MAP7D1: variants seen among roughly 807,000 people sequenced by gnomAD.
The protein encoded by MAP7D1 is MAP7 domain-containing protein 1.
In MAP7D1, 30 loss-of-function variants were observed where a neutral mutation model predicts 97.5. The ratio of observed to expected loss-of-function variants is 0.31; its 90% confidence interval spans 0.23 to 0.42. MAP7D1 has a LOEUF of 0.42. Ranked by LOEUF, MAP7D1 falls within the 10% of genes least tolerant of loss-of-function variation. The pLI, the probability that MAP7D1 is intolerant of heterozygous loss-of-function variation, is 1.00. For synonymous variants in MAP7D1, 536 were observed against 477.1 expected, an observed-to-expected ratio of 1.12 and a Z score of -1.61; for missense variants, 1,184 against 1,179.5, an observed-to-expected ratio of 1.00 and a Z score of -0.06.
chr1:36,178,090 G>A lies in MAP7D1; in HGVS notation c.1597G>A (p.Ala533Thr). The A allele has an allele frequency of 1.9e-6, 3 of 1,605,082 alleles. No individual in the cohort carries two copies. Among genetic ancestry groups the A allele is most frequent in the Non-Finnish European group, 2.6e-6 (3 of 1,176,296 alleles). Residue 533 changes from alanine (A) to threonine (T), a missense_variant, in exon 9 of 17, where the codon GCC becomes ACC. By Grantham distance (58) the Ala-to-Thr change is moderately conservative. Coordinates refer to ENST00000474796, the MANE Select transcript of MAP7D1 (RefSeq NM_001388490.1). ...GGACAAGAGCCAGAGCAAGCGCAGG[G>A]CCAGTAACGAGAAGGAGTCAGCAGC... ...PEDKSQSKRRASNEKESAAPA... is the reference protein window; with the variant it reads ...PEDKSQSKRRTSNEKESAAPA...
chr1:36,160,356 C>T (rs1644390588), intron 1 of MAP7D1, among the ~76,000 whole-genome samples: 1 of 152,206 alleles, frequency 6.6e-6, no homozygotes. Context: ...CCCTTACTAG[C>T]GCTCCTCAGC....
chr1:36,171,028 C>A lies in MAP7D1; in HGVS notation c.104C>A (p.Pro35His). 3 of 1,558,286 alleles carry A rather than the reference C, an allele frequency of 1.9e-6. No homozygotes were observed. The highest frequency in any genetic ancestry group is 2.4e-5 in the East Asian group (1 of 41,952). Residue 35 changes from proline to histidine, a missense_variant, in exon 2 of 17, where the codon CCC (proline) becomes CAC (histidine). Transcript: ENST00000474796. ...CCTTCTCCAGAAGGTGACCCTTCCCCCCCACCACCACCAATGTCAGCCCTG... is the reference window on the plus strand; with the variant it reads ...CCTTCTCCAGAAGGTGACCCTTCCCACCCACCACCACCAATGTCAGCCCTG... ...PRPSPEGDPS[P>H]PPPPMSALVP... is the part of the protein sequence containing the mutation.
Position 36,179,313 on chromosome 1 carries a change from A to G in MAP7D1, c.2182A>G (p.Lys728Glu), listed in dbSNP as rs373798227. ...RTRKSEVSET[K>E]KQDSKEANAN... ...TCGGAAGTCAGAAGTTTCTGAAACCAAGGTCAGAATTCCCCCGAAGGGCAG... is the reference window on the plus strand; with the variant it reads ...TCGGAAGTCAGAAGTTTCTGAAACCGAGGTCAGAATTCCCCCGAAGGGCAG... The change falls in exon 13 of 17, where the codon AAG (lysine) becomes GAG (glutamate). Residue 728 changes from lysine (K) to glutamate (E), a missense_variant and splice_region_variant. By Grantham distance (56) the Lys-to-Glu change is moderately conservative. Transcript: ENST00000474796. 2.2e-5 allele frequency: 36 copies of G among 1,613,880 alleles called. No homozygotes were observed. The African/African-American group carries it at 3.5e-4, about 16-fold the overall frequency.
chr1:36,172,641 C>G lies in MAP7D1; in HGVS notation c.624+14C>G. ...GAGAAAAACAAGGTGCGGGATGGGT[C>G]TCCGTGAATCCATGTACACGTGTGC... is the stretch of plus-strand genomic sequence containing the variant. On this transcript the variant is annotated intron_variant, in intron 4 of 16. Coordinates refer to ENST00000474796, the MANE Select transcript of MAP7D1 (RefSeq NM_001388490.1). 1 of 1,551,366 alleles carries G rather than the reference C, an allele frequency of 6.4e-7. No homozygotes were observed. Among genetic ancestry groups the G allele is most frequent in the Non-Finnish European group, 8.8e-7 (1 of 1,137,654 alleles).
intron 1 of MAP7D1, among the ~76,000 whole-genome samples, chr1:36,169,251 T>TG (rs1285661465): frequency 8.8e-6 from 1 of 113,938 alleles, no homozygotes; most frequent in East Asian, 2.6e-4. Flanking sequence ...GGCTCTGTCT[T>TG]GAAAAAAAAA....
chr1:36,165,489 G>A (rs1170726555), intron 1 of MAP7D1, among the ~76,000 whole-genome samples: 1 of 146,470 alleles, frequency 6.8e-6, no homozygotes, highest in Non-Finnish European at 1.5e-5. Context: ...TAGAGACAGG[G>A]TTTTGCTTTG....
chr1:36,176,542 C>A lies in MAP7D1; in HGVS notation c.1194C>A (p.Gly398=). The change falls in exon 7 of 17, where the codon GGC becomes GGA. Residue 398 remains glycine, a synonymous_variant. Coordinates refer to ENST00000474796, the MANE Select transcript of MAP7D1 (RefSeq NM_001388490.1). The surrounding 1 kb of genome is among the most constrained non-coding windows in gnomAD (Gnocchi z 6.1). The part of the protein sequence containing the change: ...RGERRKPNAG[G]SPAPVRRRPE... ...AGCGCCGCAAGCCCAACGCCGGGGG[C>A]AGCCCCGCTCCGGTGCGCCGCCGGC... 7.0e-7 allele frequency: 1 copy of A among 1,419,872 alleles called. No individual in the cohort carries two copies. The highest frequency in any genetic ancestry group is 1.5e-5 in the South Asian group (1 of 66,374). The allele number at this position is 1,419,872 out of a possible 1,614,324, so 88.0% of individuals were successfully genotyped here.
At chr1:36,177,567 C>T (rs772555917) in intron 8 of MAP7D1, 1 of 656,728 alleles carries the variant, frequency 1.5e-6, no homozygotes, top group Non-Finnish European at 2.9e-6. Context: ...AATGAATGGA[C>T]CTGTCAGGTA....
intron 1 of MAP7D1, among the ~76,000 whole-genome samples, chr1:36,168,466 C>T (rs1644500422): frequency 6.6e-6 from 1 of 152,140 alleles, no homozygotes; most frequent in Admixed American, 6.6e-5. Flanking sequence ...AGTAAGCACT[C>T]ACTAGAGTGA....
At position 36,179,575 on chromosome 1, in the gene MAP7D1, C is replaced by G. The variant is rs527603468; in HGVS notation, c.2227+18C>G. 6.4e-7 allele frequency: 1 copy of G among 1,558,862 alleles called. No homozygotes were observed. Among genetic ancestry groups the G allele is most frequent in the African/African-American group, 1.4e-5 (1 of 73,794 alleles). ...CAGCCCAGGTAAAGCCCCCATTCCTCTCGCCTCCCTTCCCTTTGCCATCCT... is the reference window on the plus strand; with the variant it reads ...CAGCCCAGGTAAAGCCCCCATTCCTGTCGCCTCCCTTCCCTTTGCCATCCT... On this transcript the variant is annotated intron_variant, in intron 14 of 16. Coordinates refer to ENST00000474796, the MANE Select transcript of MAP7D1 (RefSeq NM_001388490.1).
intron 8 of MAP7D1, chr1:36,177,450 G>A (rs576717128): frequency 2.4e-6 from 1 of 421,210 alleles, no homozygotes; most frequent in African/African-American, 2.0e-5. Context: ...AGCCCAGGAG[G>A]TCGAGGCTGT....
Position 36,178,718 on chromosome 1 carries a change from C to A in MAP7D1, c.1920C>A (p.Ala640=). The A allele has an allele frequency of 6.5e-7, 1 of 1,536,658 alleles. No homozygotes were observed. The highest frequency in any genetic ancestry group is 1.2e-5 in the South Asian group (1 of 82,272). The part of the protein sequence containing the change: ...RMREEQLARE[A]EARAEREAEA... Reference sequence around the variant, plus strand: ...GAGAGGAGCAGCTGGCACGGGAGGCCGAGGCCCGGGCGGAGCGGGAGGCGG... The same window carrying A: ...GAGAGGAGCAGCTGGCACGGGAGGCAGAGGCCCGGGCGGAGCGGGAGGCGG... Residue 640 remains alanine (A), a synonymous_variant, in exon 11 of 17, where the codon GCC becomes GCA. Coordinates refer to ENST00000474796, the MANE Select transcript of MAP7D1 (RefSeq NM_001388490.1).
In MAP7D1 at chr1:36,159,171, C is replaced by T. The variant is rs1644376862; in HGVS notation, c.46+2708C>T. Reference sequence around the variant, plus strand: ...CTCCCAGGTTCAAGCGATTCTCTTGCCTCAGCCTCCCGAGTAGCTGGGATT... The same window carrying T: ...CTCCCAGGTTCAAGCGATTCTCTTGTCTCAGCCTCCCGAGTAGCTGGGATT... On this transcript the variant is annotated intron_variant, in intron 1 of 16. Coordinates refer to ENST00000474796, the MANE Select transcript of MAP7D1 (RefSeq NM_001388490.1). The surrounding 1 kb of genome is among the most constrained non-coding windows in gnomAD (Gnocchi z 5.4). Among the ~76,000 whole-genome samples the T allele has an allele frequency of 6.6e-6, 1 of 152,150 alleles. No individual in the cohort carries two copies. The highest frequency in any genetic ancestry group is 2.1e-4 in the South Asian group (1 of 4,830).
intron 1 of MAP7D1, among the ~76,000 whole-genome samples, chr1:36,163,025 G>A (rs903621825): frequency 6.6e-6 from 1 of 152,156 alleles, no homozygotes; most frequent in African/African-American, 2.4e-5. Flanking sequence ...TGTTGTGAGA[G>A]GAATATTTGG....
chr1:36,172,977 T>G (rs1401900577), intron 4 of MAP7D1, among the ~76,000 whole-genome samples: 4 of 152,126 alleles, frequency 2.6e-5, no homozygotes, highest in African/African-American at 7.2e-5. Context: ...GGTGAGGAAA[T>G]GAAGGAAATG....
chr1:36,164,748 A>T (rs754069607), intron 1 of MAP7D1, among the ~76,000 whole-genome samples: 1 of 152,210 alleles, frequency 6.6e-6, no homozygotes, highest in Non-Finnish European at 1.5e-5. Context: ...AGTGGCAAAG[A>T]GCACCGTGAT....
Position 36,178,967 on chromosome 1 carries a change from G to A in MAP7D1, c.2072G>A (p.Arg691His), listed in dbSNP as rs1417200665. 6.4e-7 allele frequency: 1 copy of A among 1,559,148 alleles called. No individual in the cohort carries two copies. The highest frequency in any genetic ancestry group is 1.9e-5 in the Admixed American group (1 of 51,818). Reference protein sequence around the residue: ...ARSREEAERQRLEREKHFQQQ... With the variant: ...ARSREEAERQHLEREKHFQQQ... ...TCGCGGGAAGAGGCGGAGCGGCAGC[G>A]TCTGGAGCGGGAAAAGCACTTCCAG... The change falls in exon 12 of 17, where the codon CGT (arginine) becomes CAT (histidine). Residue 691 changes from arginine (R) to histidine (H), a missense_variant. Coordinates refer to ENST00000474796, the MANE Select transcript of MAP7D1 (RefSeq NM_001388490.1).
intron 8 of MAP7D1, chr1:36,177,513 TTC>T: frequency 1.9e-6 from 1 of 519,344 alleles, no homozygotes; most frequent in African/African-American, 1.9e-5. Flanking sequence ...GTCAGCCAGA[TTC>T]TGTCTTAAAA....
intron 1 of MAP7D1, 122 bp from the exon 2 acceptor site, chr1:36,170,849 A>G: frequency 1.5e-6 from 1 of 650,994 alleles, no homozygotes; most frequent in Non-Finnish European, 2.8e-6. Context: ...GGCCCGGCAC[A>G]TAGAAATAAC....
Sources: gnomAD v4.1 joint callset for allele counts (sites outside exome capture counted in the v4.1 genomes callset) on GRCh38, gnomAD v4.1.1 for gene constraint, Gnocchi (gnomAD v3.1) non-coding constraint, MANE v1.5 for transcripts, NCBI Gene and HGNC (gene_info 2026-07-23, HGNC 2026-07-21) for gene names.